Variants in DDR2 observed in about 807,000 individuals in gnomAD.
DDR2 encodes discoidin domain-containing receptor 2.
Under a neutral mutation model 94.9 loss-of-function variants are expected in DDR2, and 27 were observed. The observed-to-expected ratio is 0.28, with a 90% CI of 0.21 to 0.39. The LOEUF (loss-of-function observed/expected upper bound fraction) is 0.39, where lower values mean the gene tolerates loss of function less well. DDR2 is among the 10% of genes least tolerant of loss of function. The pLI is 1.00. For synonymous variants in DDR2, 382 were observed against 377.2 expected, an observed-to-expected ratio of 1.01 and a Z score of -0.15; for missense variants, 783 against 1,076.0, an observed-to-expected ratio of 0.73 and a Z score of 3.81.
intron 2 of DDR2, among the ~76,000 whole-genome samples, chr1:162,660,359 C>A (rs1658229296): frequency 7.1e-6 from 1 of 141,688 alleles, no homozygotes; most frequent in African/African-American, 2.6e-5. Context: ...CAGTTGGGAC[C>A]CCCCGTACTT....
chr1:162,752,638 G>T (rs1345687075), intron 3 of DDR2, among the ~76,000 whole-genome samples: 1 of 152,130 alleles, frequency 6.6e-6, no homozygotes. Flanking sequence ...AGGTGAGTGT[G>T]TAGTTTCTTT....
intron 9 of DDR2, among the ~76,000 whole-genome samples, chr1:162,761,793 T>G (rs1006531288): frequency 6.6e-6 from 1 of 152,180 alleles, no homozygotes; most frequent in Non-Finnish European, 1.5e-5. Context: ...AAATGAAAAT[T>G]TCTAAATATA....
intron 2 of DDR2, among the ~76,000 whole-genome samples, chr1:162,696,806 C>T (rs187774315): frequency 4.6e-5 from 7 of 152,240 alleles, no homozygotes; most frequent in East Asian, 1.9e-4. Context: ...TCCCTGCCCC[C>T]GCTGTCTGCC....
chr1:162,771,929 A>G lies in DDR2; in HGVS notation c.1505-95A>G, dbSNP rs551968845. Reference sequence around the variant, plus strand: ...GTCATGAAGCAGGTTAGGCTTTCACAGGGGCATGTTTTAGCCCTCCTCTCA... The same window carrying G: ...GTCATGAAGCAGGTTAGGCTTTCACGGGGGCATGTTTTAGCCCTCCTCTCA... On this transcript the variant is annotated intron_variant, in intron 12 of 17. Transcript: ENST00000367921. 3 of 1,320,980 alleles carry G rather than the reference A, an allele frequency of 2.3e-6. No individual in the cohort carries two copies. In the South Asian group the frequency reaches 3.8e-5, roughly 17 times the overall value. 81.8% of individuals were successfully genotyped at this position (1,320,980 alleles called of 1,614,324 possible). A position where few individuals can be genotyped will look rare whatever the true frequency, so the allele number is the denominator to read the frequency against.
intron 17 of DDR2, among the ~76,000 whole-genome samples, chr1:162,779,143 C>A (rs1349086563): frequency 6.6e-6 from 1 of 152,170 alleles, no homozygotes; most frequent in East Asian, 1.9e-4. Context: ...TTTTGACTAT[C>A]TAGCAATGTT....
chr1:162,711,224 G>C (rs928572543), intron 2 of DDR2, among the ~76,000 whole-genome samples: 3 of 152,124 alleles, frequency 2.0e-5, no homozygotes, highest in Admixed American at 2.0e-4. Flanking sequence ...GCTATTCAAA[G>C]GAACCCAGCA....
intron 3 of DDR2, among the ~76,000 whole-genome samples, chr1:162,745,078 T>G (rs1170134437): frequency 1.3e-5 from 2 of 152,234 alleles, no homozygotes; most frequent in Non-Finnish European, 2.9e-5. Flanking sequence ...AATTTGCATT[T>G]CCCTAATGAT....
intron 3 of DDR2, among the ~76,000 whole-genome samples, chr1:162,729,292 ATATATATATT>A (rs1318516358): frequency 0.032 from 764 of 23,790 alleles, 5 homozygotes; most frequent in Middle Eastern, 0.31. Flanking sequence ...ATATATATAT[ATATATATATT>A]TTTTTTTTTT....
At chr1:162,683,624 T>C (rs562953989) in intron 2 of DDR2, among the ~76,000 whole-genome samples, 1 of 152,198 alleles carries the variant, frequency 6.6e-6, no homozygotes, top group Non-Finnish European at 1.5e-5. Context: ...CATTTAAATA[T>C]ATTATATTTG....
intron 2 of DDR2, among the ~76,000 whole-genome samples, chr1:162,672,112 A>T (rs1430793362): frequency 1.3e-5 from 2 of 152,210 alleles, no homozygotes; most frequent in Non-Finnish European, 2.9e-5. Context: ...AAAAGCCTTC[A>T]GTGGACCACT....
intron 16 of DDR2, among the ~76,000 whole-genome samples, chr1:162,777,320 A>G (rs1249160896): frequency 1.3e-5 from 2 of 152,122 alleles, no homozygotes; most frequent in Non-Finnish European, 2.9e-5. Flanking sequence ...GGATGACACT[A>G]TGCCATACAA....
intron 2 of DDR2, among the ~76,000 whole-genome samples, chr1:162,701,349 G>A (rs1313902031): frequency 6.6e-6 from 1 of 152,198 alleles, no homozygotes; most frequent in Non-Finnish European, 1.5e-5. Context: ...TAAATGGAAG[G>A]TAACAATGAT....
chr1:162,712,362 G>A (rs762219300), intron 2 of DDR2, among the ~76,000 whole-genome samples: 14 of 151,538 alleles, frequency 9.2e-5, no homozygotes, highest in African/African-American at 1.5e-4. Context: ...GGCCCTGAAT[G>A]TGTCTCAGAA....
At chr1:162,699,005 G>A (rs892060348) in intron 2 of DDR2, among the ~76,000 whole-genome samples, 4 of 152,212 alleles carry the variant, frequency 2.6e-5, no homozygotes, top group African/African-American at 9.6e-5. Flanking sequence ...AATTGGGATT[G>A]TCTATACTAT....
chr1:162,775,978 G>A, intron 15 of DDR2, 135 bp downstream of exon 15: 7 of 1,366,366 alleles, frequency 5.1e-6, no homozygotes, highest in Non-Finnish European at 7.2e-6. Context: ...GGGAATAATG[G>A]AGCAGCTGCC....
rs1315375564 is a variant in DDR2 at position 162,729,301 on chromosome 1, T to G, written c.82+10156T>G. Among the ~76,000 whole-genome samples, 441 of 60,126 alleles carry G rather than the reference T, an allele frequency of 7.3e-3. 4 individuals carry two copies. Among genetic ancestry groups the G allele is most frequent in the East Asian group, 0.053 (130 of 2,432 alleles). 39.4% of individuals were successfully genotyped at this position (60,126 alleles called of 152,430 possible). On this transcript the variant is annotated intron_variant, in intron 3 of 17. Transcript: ENST00000367921. ...CCATTTATATATATATATATATATA[T>G]TTTTTTTTTTTTTTTTTTTCCTTGG...
In DDR2 at chr1:162,780,304, CT is replaced by C; in HGVS notation, c.*59del. On this transcript the variant is annotated 3_prime_UTR_variant, in exon 18 of 18. Coordinates refer to ENST00000367921, the MANE Select transcript of DDR2 (RefSeq NM_006182.4). ...CAGGTCCTCCCTACAAGACCTACCACTCACCCATGCCTATGCCACTCCATCT... is the reference window on the plus strand; with the variant it reads ...CAGGTCCTCCCTACAAGACCTACCACCACCCATGCCTATGCCACTCCATCT... The C allele has an allele frequency of 1.2e-6, 2 of 1,611,324 alleles. No homozygotes were observed. The highest frequency in any genetic ancestry group is 2.2e-5 in the South Asian group (2 of 90,930).
chr1:162,702,956 T>A (rs749820259), intron 2 of DDR2, among the ~76,000 whole-genome samples: 8 of 152,222 alleles, frequency 5.3e-5, no homozygotes, highest in Non-Finnish European at 1.2e-4. Flanking sequence ...TTTTTTCTTC[T>A]TTATCACCTA....
At chr1:162,658,103 A>G (rs1039412838) in intron 2 of DDR2, among the ~76,000 whole-genome samples, 1 of 152,206 alleles carries the variant, frequency 6.6e-6, no homozygotes, top group Non-Finnish European at 1.5e-5. Context: ...TGCATTTCCA[A>G]TTATGACTTA....
Sources: gnomAD v4.1 joint callset for allele counts (sites outside exome capture counted in the v4.1 genomes callset) on GRCh38, gnomAD v4.1.1 for gene constraint, MANE v1.5 for transcripts, NCBI Gene and HGNC (gene_info 2026-07-23, HGNC 2026-07-21) for gene names.